The following RPAP1 variants were observed in gnomAD, a reference collection of about 807,000 sequenced individuals.
RPAP1 encodes RNA polymerase II-associated protein 1.
In RPAP1, 109 loss-of-function variants were observed where a neutral mutation model predicts 142.4. That is an observed-to-expected ratio of 0.77 (90% confidence interval 0.66 to 0.90). The LOEUF (loss-of-function observed/expected upper bound fraction) is 0.90, where lower values mean the gene tolerates loss of function less well. Ranked by LOEUF, RPAP1 falls within the 40% of genes least tolerant of loss-of-function variation. The pLI is 0.00. For missense variants in RPAP1, 1,546 were observed against 1,751.7 expected (o/e 0.88, Z 2.10); for synonymous variants, 704 against 738.9 (o/e 0.95, Z 0.77).
At chr15:41,536,449 T>C (rs2051908770) in intron 3 of RPAP1, 52 bp downstream of exon 3, 3 of 1,602,686 alleles carry the variant, frequency 1.9e-6, no homozygotes, top group Non-Finnish European at 1.7e-6. Flanking sequence ...GAGCATCCAA[T>C]ATCCCTGTTG....
At chr15:41,539,508 G>GGCTGATCTCGAACT (rs1283420628) in intron 1 of RPAP1, among the ~76,000 whole-genome samples, 1 of 151,994 alleles carries the variant, frequency 6.6e-6, no homozygotes, top group Admixed American at 6.6e-5. Flanking sequence ...ATGTTGGTCA[G>GGCTGATCTCGAACT]GCTGATCTCG....
intron 19 of RPAP1, 112 bp from the exon 20 acceptor site, chr15:41,522,362 T>C (rs2051735802): frequency 9.6e-7 from 1 of 1,040,182 alleles, no homozygotes; most frequent in Non-Finnish European, 1.4e-6. Flanking sequence ...GCAGAAGGCC[T>C]CCCTTCCCCA....
Position 41,523,946 on chromosome 15 carries a change from G to A in RPAP1, c.2261C>T (p.Ala754Val). ...TGTCCAAGTGACTAAGGAAGGGGTG[G>A]CCGAGAGGCTGGCCTCAGCAGAATC... ...ISDSAEASLS[A>V]TPSLVTWTQV... The change falls in exon 17 of 25, where the codon GCC becomes GTC. Residue 754 changes from alanine to valine, a missense_variant. Ala to Val is a moderately conservative substitution (Grantham distance 64). Around this residue, in one of 3 missense-constraint regions of RPAP1, gnomAD observed 1,333 missense variants for 1,486.6 expected, o/e 0.90. Coordinates refer to ENST00000304330, the MANE Select transcript of RPAP1 (RefSeq NM_015540.4). 2.5e-6 allele frequency: 4 copies of A among 1,611,666 alleles called. No homozygotes were observed. The South Asian group carries it at 3.3e-5, about 13-fold the overall frequency.
At chr15:41,541,423 G>GA (rs34842966) in intron 1 of RPAP1, among the ~76,000 whole-genome samples, 2,514 of 88,352 alleles carry the variant, frequency 0.028, 68 homozygotes, top group African/African-American at 0.085. Context: ...ACTCCATCTT[G>GA]AAAAAAAAAA....
intron 14 of RPAP1, among the ~76,000 whole-genome samples, chr15:41,526,535 G>A (rs1360419926): frequency 1.3e-5 from 2 of 152,228 alleles, no homozygotes; most frequent in Non-Finnish European, 2.9e-5. Flanking sequence ...TTACAGGCCT[G>A]AGCCACTACA....
intron 1 of RPAP1, 29 bp from the exon 2 acceptor site, chr15:41,537,230 T>C: frequency 9.0e-7 from 1 of 1,110,116 alleles, no homozygotes; most frequent in Non-Finnish European, 1.3e-6. Flanking sequence ...ATGGGCCCTC[T>C]GCAACTGAAC....
chr15:41,532,203 G>A (rs1467457446), intron 6 of RPAP1, among the ~76,000 whole-genome samples: 1 of 152,058 alleles, frequency 6.6e-6, no homozygotes, highest in African/African-American at 2.4e-5. Flanking sequence ...TGTATTTTTA[G>A]TAGAGACAGG....
intron 1 of RPAP1, among the ~76,000 whole-genome samples, chr15:41,539,906 G>A (rs2051954185): frequency 1.3e-5 from 2 of 152,042 alleles, no homozygotes; most frequent in African/African-American, 2.4e-5. Context: ...GGTGGCAGGT[G>A]CCTGTAATCC....
rs199654253 is a variant in RPAP1, at chr15:41,536,620, G to C, written c.211C>G (p.Pro71Ala). The change falls in exon 3 of 25, where the codon CCT (proline) becomes GCT (alanine). Residue 71 changes from proline (P) to alanine (A), a missense_variant. Pro to Ala is a conservative substitution (Grantham distance 27). Transcript: ENST00000304330. ...NLPDLPPALV[P>A]SPPKRARPSP... is the part of the protein sequence containing the mutation. ...GGCCTGGCTCTCTTTGGAGGAGAAG[G>C]GACCAAAGCTGGGGGCAAATCTGGG... The C allele has an allele frequency of 2.5e-6, 4 of 1,614,008 alleles. No homozygotes were observed. The South Asian group carries it at 4.4e-5, about 18-fold the overall frequency.
chr15:41,522,626 G>A (rs2051740085), intron 19 of RPAP1, 139 bp downstream of exon 19: 1 of 716,524 alleles, frequency 1.4e-6, no homozygotes, highest in Non-Finnish European at 2.2e-6. Context: ...CCGACCTCAG[G>A]TGATCTGCCC....
chr15:41,540,560 C>G (rs957149786), intron 1 of RPAP1, among the ~76,000 whole-genome samples: 6 of 152,212 alleles, frequency 3.9e-5, no homozygotes, highest in African/African-American at 1.4e-4. Context: ...CTCTGCCTCC[C>G]AAAGTGCTGG....
rs143364157 is a variant in RPAP1 at position 41,522,178 on chromosome 15, G to A, written c.2815C>T (p.His939Tyr). ...LQCVAPGAAP[H>Y]LTPFSAWALR... is the part of the protein sequence containing the mutation. ...GCCCATGCAGAGAAAGGTGTGAGGT[G>A]TGGGGCAGCCCCAGGAGCCACACAC... The change falls in exon 20 of 25, where the codon CAC becomes TAC. Residue 939 changes from histidine to tyrosine, a missense_variant. Coordinates refer to ENST00000304330, the MANE Select transcript of RPAP1 (RefSeq NM_015540.4). 5.6e-6 allele frequency: 9 copies of A among 1,613,998 alleles called. No individual in the cohort carries two copies. In the African/African-American group the frequency reaches 6.7e-5, roughly 12 times the overall value.
chr15:41,523,895 A>G lies in RPAP1; in HGVS notation c.2312T>C (p.Val771Ala). Reference protein sequence around the residue: ...WTQVSGLQPLVEPCLRQTLKL... With the variant: ...WTQVSGLQPLAEPCLRQTLKL... ...CAAGGTCTGCCTTAGACACGGCTCAACAAGAGGCTGGAGCCCAGACACCTG... is the reference window on the plus strand; with the variant it reads ...CAAGGTCTGCCTTAGACACGGCTCAGCAAGAGGCTGGAGCCCAGACACCTG... Residue 771 changes from valine to alanine, a missense_variant, in exon 17 of 25, where the codon GTT becomes GCT. Val to Ala is a moderately conservative substitution (Grantham distance 64, BLOSUM62 0). Coordinates refer to ENST00000304330, the MANE Select transcript of RPAP1 (RefSeq NM_015540.4). 1.2e-6 allele frequency: 2 copies of G among 1,608,460 alleles called. No individual in the cohort carries two copies. The highest frequency in any genetic ancestry group is 1.7e-6 in the Non-Finnish European group (2 of 1,177,238).
chr15:41,527,768 C>A, intron 11 of RPAP1, 92 bp downstream of exon 11: 1 of 1,532,848 alleles, frequency 6.5e-7, no homozygotes, highest in Non-Finnish European at 8.8e-7. Context: ...TACATCTTGC[C>A]CGCAAAGCCT....
intron 24 of RPAP1, 47 bp downstream of exon 24, chr15:41,517,751 C>T (rs761800410): frequency 9.3e-6 from 15 of 1,613,894 alleles, no homozygotes; most frequent in East Asian, 2.2e-5. Context: ...GGTCTCTGTC[C>T]CCCAAGATCC....
intron 7 of RPAP1, 136 bp from the exon 8 acceptor site, chr15:41,530,115 A>C: frequency 2.9e-6 from 2 of 689,198 alleles, no homozygotes; most frequent in Non-Finnish European, 5.2e-6. Context: ...TTATGGCTAA[A>C]TGGCATGGCC....
At chr15:41,541,747 T>A (rs946384724) in intron 1 of RPAP1, among the ~76,000 whole-genome samples, 1 of 152,050 alleles carries the variant, frequency 6.6e-6, no homozygotes, top group Non-Finnish European at 1.5e-5. Context: ...CTGGGGAGGC[T>A]GAGGCAGGAG....
intron 5 of RPAP1, 131 bp from the exon 6 acceptor site, chr15:41,535,066 C>G (rs1489914325): frequency 2.4e-6 from 2 of 817,602 alleles, no homozygotes; most frequent in African/African-American, 1.7e-5. Flanking sequence ...AGTGGAGACC[C>G]CACTGGGTCT....
chr15:41,537,493 G>A (rs1003823785), intron 1 of RPAP1, among the ~76,000 whole-genome samples: 1 of 152,044 alleles, frequency 6.6e-6, no homozygotes, highest in African/African-American at 2.4e-5. Flanking sequence ...TTGTCATAAT[G>A]GGGGGGTGAT....
Sources: allele counts gnomAD v4.1 joint callset (sites outside exome capture counted in the v4.1 genomes callset), GRCh38; gene constraint gnomAD v4.1.1; regional missense constraint gnomAD v4.1.1; transcripts MANE v1.5; gene names NCBI Gene and HGNC (gene_info 2026-07-23, HGNC 2026-07-21).